Variants in MIER1 observed in about 807,000 individuals in gnomAD.
The protein encoded by MIER1 is MIER1 transcriptional regulator, also known as mesoderm induction early response protein 1.
A neutral mutation model predicts 75.7 loss-of-function variants in MIER1; 40 were observed. The ratio of observed to expected loss-of-function variants is 0.53; its 90% CI spans 0.41 to 0.69. MIER1 has a LOEUF of 0.69. Among genes scored for constraint, MIER1 ranks in the 30% least tolerant of loss-of-function variants. MIER1 has a pLI of 0.00. For synonymous variants in MIER1, 213 were observed against 223.4 expected (o/e 0.95, Z 0.42); for missense variants, 574 against 680.2 (o/e 0.84, Z 1.74).
At chr1:66,927,155 G>A (rs1289801344) in intron 2 of MIER1, among the ~76,000 whole-genome samples, 1 of 152,116 alleles carries the variant, frequency 6.6e-6, no homozygotes, top group Non-Finnish European at 1.5e-5. Context: ...CTTTTGAATG[G>A]AAGATTCAGT....
chr1:66,925,236 A>T (rs1651234382), intron 1 of MIER1, 141 bp downstream of exon 1: 1 of 1,354,560 alleles, frequency 7.4e-7, no homozygotes, highest in Admixed American at 3.8e-5. Flanking sequence ...ACTTCCGGGG[A>T]GGGGCTGCCG....
At chr1:66,960,443 TAATC>T (rs1258733847) in intron 7 of MIER1, among the ~76,000 whole-genome samples, 1 of 152,208 alleles carries the variant, frequency 6.6e-6, no homozygotes, top group Non-Finnish European at 1.5e-5. Flanking sequence ...AGCATATAAT[TAATC>T]ATACAGTTAA....
At chr1:66,949,805 A>C (rs542267407) in intron 4 of MIER1, among the ~76,000 whole-genome samples, 4 of 152,180 alleles carry the variant, frequency 2.6e-5, no homozygotes, top group Non-Finnish European at 5.9e-5. Context: ...TTCACCTTAC[A>C]CCTTGGTTGC....
chr1:66,984,735 C>T lies in MIER1; in HGVS notation c.1533C>T (p.Ala511=). ...TDNLTTDPKL[A]HMTARNENDF... is the part of the protein sequence containing the mutation. The stretch of plus-strand genomic sequence containing the variant: ...ACCTTACCACTGACCCAAAACTTGC[C>T]CATATGACTGCAAGAAATGAAAATG... The change falls in exon 14 of 14, where the codon GCC becomes GCT. Residue 511 remains alanine (A), a synonymous_variant. Transcript: ENST00000401041. The T allele has an allele frequency of 6.2e-7, 1 of 1,613,842 alleles. No individual in the cohort carries two copies. The highest frequency in any genetic ancestry group is 8.5e-7 in the Non-Finnish European group (1 of 1,179,890).
chr1:66,978,172 G>A (rs1665124326), intron 12 of MIER1, among the ~76,000 whole-genome samples: 1 of 149,774 alleles, frequency 6.7e-6, no homozygotes, highest in South Asian at 2.1e-4. Context: ...CTCCAGCCTG[G>A]GCAACAGAGC....
At chr1:66,932,622 A>T (rs1427769729) in intron 2 of MIER1, 4 of 149,534 alleles carry the variant, frequency 2.7e-5, no homozygotes, top group African/African-American at 9.7e-5. Flanking sequence ...CTCTCAGTAG[A>T]TTCATTCTTT....
intron 2 of MIER1, among the ~76,000 whole-genome samples, chr1:66,927,549 A>G (rs547091048): frequency 6.6e-6 from 1 of 151,772 alleles, no homozygotes; most frequent in Non-Finnish European, 1.5e-5. Context: ...TTAAAAATAA[A>G]TTTTTTTTTG....
chr1:66,976,160 T>C (rs911337512), intron 11 of MIER1, among the ~76,000 whole-genome samples: 2 of 151,696 alleles, frequency 1.3e-5, no homozygotes, highest in East Asian at 2.0e-4. Context: ...CCTGCCACCA[T>C]GCCCGGCTAA....
intron 4 of MIER1, among the ~76,000 whole-genome samples, chr1:66,948,966 C>T (rs1658294815): frequency 6.6e-6 from 1 of 152,104 alleles, no homozygotes; most frequent in Admixed American, 6.5e-5. Context: ...AACTTGAAGT[C>T]AGAACTATTG....
In MIER1 at chr1:66,930,234, C is replaced by G. The variant is rs1358391357; in HGVS notation, c.168+3992C>G. 2.1e-6 allele frequency: 3 copies of G among 1,437,448 alleles called. No individual in the cohort carries two copies. The African/African-American group carries it at 4.4e-5, about 21-fold the overall frequency. The allele number at this position is 1,437,448 out of a possible 1,614,324, so 89.0% of individuals were successfully genotyped here. On this transcript the variant is annotated intron_variant, in intron 2 of 13. Coordinates refer to ENST00000401041, the MANE Select transcript of MIER1 (RefSeq NM_001077700.3). ...AGGGGGCGGAGTGGGGTGTGGTGGGCGCGCTCGGGCGGCTCCTGCGCGTTC... is the reference window on the plus strand; with the variant it reads ...AGGGGGCGGAGTGGGGTGTGGTGGGGGCGCTCGGGCGGCTCCTGCGCGTTC...
intron 4 of MIER1, chr1:66,948,274 T>G (rs1219270804): frequency 4.4e-6 from 4 of 901,782 alleles, no homozygotes; most frequent in Admixed American, 6.2e-5. Flanking sequence ...AAAAAGAACA[T>G]AAGAAATAAG....
intron 8 of MIER1, among the ~76,000 whole-genome samples, chr1:66,963,660 A>G (rs1240385644): frequency 6.6e-6 from 1 of 152,212 alleles, no homozygotes; most frequent in Non-Finnish European, 1.5e-5. Flanking sequence ...CTGTAATCCC[A>G]GCACTTTGGG....
At position 66,986,504 on chromosome 1, in the gene MIER1, A is replaced by G. The variant is rs776639549; in HGVS notation, c.*1604A>G. The G allele has an allele frequency of 1.4e-5, 21 of 1,481,094 alleles. No individual in the cohort carries two copies. Among genetic ancestry groups the G allele is most frequent in the African/African-American group, 5.5e-5 (4 of 72,194 alleles). The allele number at this position is 1,481,094 out of a possible 1,614,324, so 91.7% of individuals were successfully genotyped here. On this transcript the variant is annotated 3_prime_UTR_variant, in exon 14 of 14. Coordinates refer to ENST00000401041, the MANE Select transcript of MIER1 (RefSeq NM_001077700.3). ...CTGTGGTCTTGTTTTTAATGGCTCA[A>G]CTGTCTGATGTAATTGAGTGAAGGT...
At chr1:66,978,214 A>G (rs1315975274) in intron 12 of MIER1, among the ~76,000 whole-genome samples, 1 of 150,554 alleles carries the variant, frequency 6.6e-6, no homozygotes, top group African/African-American at 2.4e-5. Flanking sequence ...AAAAAAAAAG[A>G]TGTGCTTGTA....
At chr1:66,932,192 C>G (rs577660571) in intron 2 of MIER1, among the ~76,000 whole-genome samples, 2 of 152,244 alleles carry the variant, frequency 1.3e-5, no homozygotes, top group African/African-American at 4.8e-5. Flanking sequence ...TTTTGATTCA[C>G]TAATCATTTC....
intron 4 of MIER1, among the ~76,000 whole-genome samples, chr1:66,957,709 T>C (rs930090034): frequency 6.6e-6 from 1 of 151,696 alleles, no homozygotes; most frequent in African/African-American, 2.4e-5. Flanking sequence ...AAGTTAAGTA[T>C]GGTACTCTTA....
At chr1:66,965,180 G>A (rs1338337248) in intron 8 of MIER1, among the ~76,000 whole-genome samples, 1 of 152,138 alleles carries the variant, frequency 6.6e-6, no homozygotes, top group Non-Finnish European at 1.5e-5. Context: ...ACGTATAATT[G>A]TGTGCCAAAA....
intron 6 of MIER1, among the ~76,000 whole-genome samples, 184 bp from the exon 7 acceptor site, chr1:66,959,495 A>T (rs1660813366): frequency 6.6e-6 from 1 of 152,084 alleles, no homozygotes; most frequent in Admixed American, 6.5e-5. Context: ...TAGAAAGTTT[A>T]TGGTTTTTTT....
chr1:66,969,650 TA>T (rs1663204860), intron 8 of MIER1, among the ~76,000 whole-genome samples: 1 of 152,088 alleles, frequency 6.6e-6, no homozygotes, highest in Non-Finnish European at 1.5e-5. Context: ...TTGACGCTGT[TA>T]GTTATTCTTT....
Sources: gnomAD v4.1 joint callset for allele counts (sites outside exome capture counted in the v4.1 genomes callset) on GRCh38, gnomAD v4.1.1 for gene constraint, MANE v1.5 for transcripts, NCBI Gene and HGNC (gene_info 2026-07-23, HGNC 2026-07-21) for gene names.